Variants in CPEB3 observed in about 807,000 individuals in gnomAD.
The protein encoded by CPEB3 is cytoplasmic polyadenylation element binding protein 3, also known as cytoplasmic polyadenylation element-binding protein 3.
CPEB3 carries 20 observed loss-of-function variants against 67.2 expected under a neutral mutation model. The observed-to-expected ratio is 0.30, with a 90% CI of 0.21 to 0.43. The LOEUF is 0.43. Ranked by LOEUF, CPEB3 falls within the 20% of genes least tolerant of loss-of-function variation. The pLI is 1.00. For missense variants in CPEB3, 746 were observed against 968.6 expected, an observed-to-expected ratio of 0.77 and a Z score of 3.05; for synonymous variants, 376 against 393.1, an observed-to-expected ratio of 0.96 and a Z score of 0.51.
chr10:92,081,250 T>A (rs933301749), intron 9 of CPEB3, 70 bp downstream of exon 9: 3 of 1,559,572 alleles, frequency 1.9e-6, no homozygotes, highest in Non-Finnish European at 1.8e-6. Context: ...AAGGTGCCTT[T>A]CTTCCCAGGA....
rs768262325 is a variant in CPEB3, at chr10:92,240,047, A to G, written c.304T>C (p.Ser102Pro). Residue 102 changes from serine to proline, a missense_variant, in exon 2 of 10, where the codon TCG becomes CCG. By Grantham distance (74) the Ser-to-Pro change is moderately conservative. This residue lies in a region of CPEB3 where 643 missense variants were observed against 717.5 expected (regional missense o/e 0.90). Transcript: ENST00000265997. ...GTGCTGCCGAAGGACGGCGACAGCG[A>G]CGCGCCCGGTGCCGCGGGCTCCTGA... is the stretch of plus-strand genomic sequence containing the variant. The part of the protein sequence containing the change: ...PPQEPAAPGA[S>P]LSPSFGSTWS... 1.5e-5 allele frequency: 24 copies of G among 1,594,880 alleles called. No individual in the cohort carries two copies. Among genetic ancestry groups the G allele is most frequent in the Non-Finnish European group, 2.0e-5 (24 of 1,171,826 alleles).
chr10:92,228,991 C>T (rs1019722401), intron 2 of CPEB3, among the ~76,000 whole-genome samples: 4 of 152,086 alleles, frequency 2.6e-5, no homozygotes, highest in Non-Finnish European at 5.9e-5. Flanking sequence ...GGATTACAGA[C>T]GTGAGCCACC....
intron 7 of CPEB3, among the ~76,000 whole-genome samples, chr10:92,105,460 T>C (rs1187792787): frequency 1.3e-5 from 2 of 152,172 alleles, no homozygotes; most frequent in African/African-American, 4.8e-5. Context: ...TTTTTGCCTT[T>C]CTCTGAAATT....
Position 92,143,021 on chromosome 10 carries a change from A to G in CPEB3, c.1453+8T>C, listed in dbSNP as rs1447078278. 6.2e-7 allele frequency: 1 copy of G among 1,602,656 alleles called. No homozygotes were observed. Among genetic ancestry groups the G allele is most frequent in the East Asian group, 2.2e-5 (1 of 44,750 alleles). ...AGGCAAGCAGTGGAAACATTTTAAG[A>G]GCATTACCTTTAGGAGGAAAATAAG... On this transcript the variant is annotated splice_region_variant and intron_variant, in intron 6 of 9. Coordinates refer to ENST00000265997, the MANE Select transcript of CPEB3 (RefSeq NM_014912.5).
chr10:92,105,426 C>G (rs958047135), intron 7 of CPEB3, among the ~76,000 whole-genome samples: 1 of 152,138 alleles, frequency 6.6e-6, no homozygotes, highest in African/African-American at 2.4e-5. Flanking sequence ...TCATGTCACA[C>G]CATTTCCCAT....
chr10:92,288,333 C>CCCTGTAGTCCTAGCTACTTGGGGG (rs1842634762), intron 1 of CPEB3, among the ~76,000 whole-genome samples: 1 of 151,752 alleles, frequency 6.6e-6, no homozygotes. Context: ...GGTGGTGCGC[C>CCCTGTAGTCCTAGCTACTTGGGGG]CCTGTAGTCC....
intron 6 of CPEB3, chr10:92,119,266 G>T (rs1845212004): frequency 6.4e-7 from 1 of 1,565,066 alleles, no homozygotes; most frequent in Admixed American, 1.7e-5. Flanking sequence ...CTCCTTATTT[G>T]TTTAGATCCT....
intron 4 of CPEB3, among the ~76,000 whole-genome samples, chr10:92,146,324 G>A (rs1846678631): frequency 6.6e-6 from 1 of 151,770 alleles, no homozygotes; most frequent in Admixed American, 6.6e-5. Flanking sequence ...TCCTGTTTGA[G>A]TCAGTGACTT....
At chr10:92,258,679 T>TA (rs1852650622) in intron 1 of CPEB3, among the ~76,000 whole-genome samples, 1 of 127,100 alleles carries the variant, frequency 7.9e-6, no homozygotes, top group South Asian at 2.6e-4. Flanking sequence ...TATATATATA[T>TA]TTCATGTATT....
rs576477145 is a variant in CPEB3 at position 92,119,354 on chromosome 10, T to C, written c.1454-8160A>G. Among the ~76,000 whole-genome samples the C allele has an allele frequency of 3.5e-4, 54 of 152,310 alleles. 1 individual carries two copies. Among genetic ancestry groups the C allele is most frequent in the African/African-American group, 1.3e-3 (52 of 41,562 alleles). On this transcript the variant is annotated intron_variant, in intron 6 of 9. Coordinates refer to ENST00000265997, the MANE Select transcript of CPEB3 (RefSeq NM_014912.5). ...GTGGAAAAGGGTCTAGTTTTCCCCT[T>C]GTTTCTAAAGATGGGGTGGCTGCAA...
chr10:92,093,461 G>T (rs1362797960), intron 7 of CPEB3, among the ~76,000 whole-genome samples: 1 of 151,630 alleles, frequency 6.6e-6, no homozygotes, highest in Non-Finnish European at 1.5e-5. Context: ...AAAACATTTT[G>T]AATTAACTTT....
chr10:92,161,992 A>C lies in CPEB3; in HGVS notation c.1223-16907T>G, dbSNP rs373942393. Among the ~76,000 whole-genome samples, 10 of 152,282 alleles carry C rather than the reference A, an allele frequency of 6.6e-5. No homozygotes were observed. The East Asian group carries it at 1.9e-3, about 29-fold the overall frequency. On this transcript the variant is annotated intron_variant, in intron 4 of 9. Transcript: ENST00000265997. ...ACATTTTTAAAAAGGGAGTAATGTG[A>C]CTTATTTCATCTTTCTAATATCCTA...
chr10:92,266,996 C>CA (rs1220122090), intron 1 of CPEB3, among the ~76,000 whole-genome samples: 1 of 151,750 alleles, frequency 6.6e-6, no homozygotes, highest in Non-Finnish European at 1.5e-5. Flanking sequence ...ATTGCGCCAT[C>CA]ACACTCCAGC....
At chr10:92,213,764 T>C (rs1206008344) in intron 2 of CPEB3, among the ~76,000 whole-genome samples, 2 of 152,068 alleles carry the variant, frequency 1.3e-5, no homozygotes, top group Non-Finnish European at 2.9e-5. Flanking sequence ...AGTAGAACAC[T>C]ATGTTAAAGC....
intron 4 of CPEB3, among the ~76,000 whole-genome samples, chr10:92,150,215 A>C (rs538368567): frequency 6.6e-6 from 1 of 151,954 alleles, no homozygotes; most frequent in South Asian, 2.1e-4. Flanking sequence ...TGGTATTTCC[A>C]GAGCTTGAAA....
intron 4 of CPEB3, among the ~76,000 whole-genome samples, chr10:92,148,291 C>T (rs539642073): frequency 2.0e-5 from 3 of 152,254 alleles, no homozygotes; most frequent in East Asian, 1.9e-4. Flanking sequence ...TTCGTATTTT[C>T]GATTATTCCT....
At chr10:92,286,678 A>T (rs1464378338) in intron 1 of CPEB3, among the ~76,000 whole-genome samples, 1 of 151,306 alleles carries the variant, frequency 6.6e-6, no homozygotes, top group African/African-American at 2.4e-5. Context: ...GGAATTAATG[A>T]AAAAAAAACT....
In CPEB3 at chr10:92,216,939, T is replaced by A. The variant is rs1190477142; in HGVS notation, c.1005+22407A>T. 4 of 674,282 alleles carry A rather than the reference T, an allele frequency of 5.9e-6. No individual in the cohort carries two copies. The Admixed American group carries it at 1.0e-4, about 17-fold the overall frequency. The allele number at this position is 674,282 out of a possible 1,614,324, so 41.8% of individuals were successfully genotyped here. ...TCTTACCAGGCAGCTCTAACAGCCCTTTCATGAAGGTAATGCTAGTCTTCT... is the reference window on the plus strand; with the variant it reads ...TCTTACCAGGCAGCTCTAACAGCCCATTCATGAAGGTAATGCTAGTCTTCT... On this transcript the variant is annotated intron_variant, in intron 2 of 9. Transcript: ENST00000265997.
intron 2 of CPEB3, among the ~76,000 whole-genome samples, chr10:92,204,516 C>G (rs547800736): frequency 6.6e-6 from 1 of 152,122 alleles, no homozygotes; most frequent in African/African-American, 2.4e-5. Context: ...CTGGCCATCA[C>G]TGGAAAGGTC....
Sources: allele counts gnomAD v4.1 joint callset (sites outside exome capture counted in the v4.1 genomes callset), GRCh38; gene constraint gnomAD v4.1.1; regional missense constraint gnomAD v4.1.1; transcripts MANE v1.5; gene names NCBI Gene and HGNC (gene_info 2026-07-23, HGNC 2026-07-21).